Variants in GTF2IRD1 observed in about 807,000 individuals in gnomAD.
The protein encoded by GTF2IRD1 is GTF2I repeat domain containing 1.
A neutral mutation model predicts 113.2 loss-of-function variants in GTF2IRD1; 26 were observed. That is an observed-to-expected ratio of 0.23 (90% CI 0.17 to 0.32). The LOEUF is 0.32. GTF2IRD1 is among the 10% of genes least tolerant of loss of function. The pLI is 1.00. For missense variants in GTF2IRD1, 864 were observed against 1,280.8 expected (o/e 0.67, Z 4.97); for synonymous variants, 484 against 529.1 (o/e 0.91, Z 1.17).
At chr7:74,564,086 G>C (rs782465221) in intron 22 of GTF2IRD1, among the ~76,000 whole-genome samples, 3 of 150,842 alleles carry the variant, frequency 2.0e-5, no homozygotes, top group Admixed American at 6.6e-5. Context: ...GAGTGCAATG[G>C]CACAATCTTG....
chr7:74,512,592 G>C lies in GTF2IRD1; in HGVS notation c.124-238G>C, dbSNP rs1796701223. Among the ~76,000 whole-genome samples, 1 of 151,902 alleles carries C rather than the reference G, an allele frequency of 6.6e-6. No individual in the cohort carries two copies. The highest frequency in any genetic ancestry group is 1.5e-5 in the Non-Finnish European group (1 of 68,034). The stretch of plus-strand genomic sequence containing the variant: ...GCCTACCCCAAGGAGGAGGACCTTG[G>C]AGGGAGGAGCAGAGGACACTTGTCC... On this transcript the variant is annotated intron_variant, in intron 2 of 26. Transcript: ENST00000424337. The surrounding 1 kb of genome is among the most constrained non-coding windows in gnomAD (Gnocchi z 4.4).
chr7:74,534,989 G>C (rs1798208207), intron 9 of GTF2IRD1, 124 bp from the exon 10 acceptor site: 2 of 779,782 alleles, frequency 2.6e-6, no homozygotes, highest in Non-Finnish European at 4.6e-6. Flanking sequence ...CGGATGCCCA[G>C]GTCTGTAGCT....
chr7:74,490,644 G>A lies in GTF2IRD1; in HGVS notation c.-6-17431G>A, dbSNP rs557020953. Among the ~76,000 whole-genome samples, 3 of 151,990 alleles carry A rather than the reference G, an allele frequency of 2.0e-5. No homozygotes were observed. In the East Asian group the frequency reaches 5.8e-4, roughly 29 times the overall value. On this transcript the variant is annotated intron_variant, in intron 1 of 26. Coordinates refer to ENST00000424337, the MANE Select transcript of GTF2IRD1 (RefSeq NM_005685.4). ...CAAGCATATGGCAGCGGATGGTGCG[G>A]GGGCCGTGTTTGGGTGGGGTGTGTG... is the stretch of plus-strand genomic sequence containing the variant.
Position 74,544,784 on chromosome 7 carries a change from G to A in GTF2IRD1, c.1648G>A (p.Glu550Lys), listed in dbSNP as rs201240311. Reference sequence around the variant, plus strand: ...AGGTCTGAGTGAGGACGCGCGGCCCGAGGAGAGGCCCGTGGAGGGTGAGGC... The same window carrying A: ...AGGTCTGAGTGAGGACGCGCGGCCCAAGGAGAGGCCCGTGGAGGGTGAGGC... ...DKGLSEDARP[E>K]ERPVEDSHGD... Residue 550 changes from glutamate (E) to lysine (K), a missense_variant, in exon 15 of 27, where the codon GAG becomes AAG. Around this residue, in one of 7 missense-constraint regions of GTF2IRD1, gnomAD observed 218 missense variants for 352.6 expected, o/e 0.62. Transcript: ENST00000424337. 5.3e-5 allele frequency: 85 copies of A among 1,613,814 alleles called. No homozygotes were observed. Among genetic ancestry groups the A allele is most frequent in the Middle Eastern group, 1.7e-4 (1 of 6,054 alleles).
chr7:74,600,638 A>G (rs1802701555), intron 25 of GTF2IRD1, among the ~76,000 whole-genome samples: 1 of 152,062 alleles, frequency 6.6e-6, no homozygotes, highest in African/African-American at 2.4e-5. Context: ...TTGAACCCAG[A>G]AGGCAAAGGT....
Position 74,536,184 on chromosome 7 carries a change from G to A in GTF2IRD1, c.1318G>A (p.Asp440Asn). Residue 440 changes from aspartate to asparagine, a missense_variant, in exon 11 of 27, where the codon GAC becomes AAC. By Grantham distance (23) the Asp-to-Asn change is conservative (BLOSUM62 1). This residue lies in a region of GTF2IRD1 where 218 missense variants were observed against 352.6 expected (regional missense o/e 0.62). Coordinates refer to ENST00000424337, the MANE Select transcript of GTF2IRD1 (RefSeq NM_005685.4). ...CCCCACAGGGAACAAGTTTACCAAA[G>A]ACACCACGAAGCTGGAGCCAGCCAG... is the stretch of plus-strand genomic sequence containing the variant. ...RIFTGNKFTK[D>N]TTKLEPASPP... 6.2e-7 allele frequency: 1 copy of A among 1,613,236 alleles called. No homozygotes were observed. The highest frequency in any genetic ancestry group is 8.5e-7 in the Non-Finnish European group (1 of 1,179,250).
chr7:74,492,871 A>G (rs1192983592), intron 1 of GTF2IRD1, among the ~76,000 whole-genome samples: 3 of 151,308 alleles, frequency 2.0e-5, no homozygotes, highest in Non-Finnish European at 4.4e-5. Flanking sequence ...GCATCTTCCA[A>G]TCTCTCTCTA....
rs145738911 is a variant in GTF2IRD1, at chr7:74,532,113, G to A, written c.1274+2196G>A. ...GCCTATCATGTGGGCCTTCCAGTCC[G>A]GGCAGCCCGTGAGGGCATCTGACCG... On this transcript the variant is annotated intron_variant, in intron 9 of 26. Coordinates refer to ENST00000424337, the MANE Select transcript of GTF2IRD1 (RefSeq NM_005685.4). Among the ~76,000 whole-genome samples the A allele has an allele frequency of 5.4e-3, 816 of 152,266 alleles. 25 individuals carry two copies. Among genetic ancestry groups the A allele is most frequent in the Admixed American group, 0.043 (653 of 15,290 alleles).
chr7:74,592,193 A>G (rs1802099267), intron 24 of GTF2IRD1, among the ~76,000 whole-genome samples: 1 of 152,030 alleles, frequency 6.6e-6, no homozygotes, highest in Non-Finnish European at 1.5e-5. Flanking sequence ...TCCACCGCCC[A>G]GGTTCAAGCA....
At chr7:74,581,641 C>T (rs1470625157) in intron 22 of GTF2IRD1, among the ~76,000 whole-genome samples, 1 of 152,206 alleles carries the variant, frequency 6.6e-6, no homozygotes. Context: ...TCCCTGGTGG[C>T]GACCTGGTGG....
chr7:74,576,335 C>T (rs1249012055), intron 22 of GTF2IRD1, among the ~76,000 whole-genome samples: 1 of 150,510 alleles, frequency 6.6e-6, no homozygotes, highest in Non-Finnish European at 1.5e-5. Flanking sequence ...CTGAGGCGGG[C>T]GAATCACTTG....
chr7:74,509,829 C>T (rs143922754), intron 2 of GTF2IRD1, among the ~76,000 whole-genome samples: 1 of 151,992 alleles, frequency 6.6e-6, no homozygotes, highest in Non-Finnish European at 1.5e-5. Context: ...CCCACCACCA[C>T]ACGTGGCCAG....
intron 1 of GTF2IRD1, among the ~76,000 whole-genome samples, chr7:74,466,347 G>A (rs1554330803): frequency 1.3e-5 from 2 of 152,156 alleles, no homozygotes; most frequent in Non-Finnish European, 1.5e-5. Flanking sequence ...GCCAGAGACA[G>A]GACGTGACGG....
At chr7:74,485,400 G>A (rs1218003222) in intron 1 of GTF2IRD1, among the ~76,000 whole-genome samples, 1 of 150,426 alleles carries the variant, frequency 6.6e-6, no homozygotes, top group Admixed American at 6.6e-5. Context: ...GGCGGATCAC[G>A]AGGTCAGGAG....
At chr7:74,574,847 G>A (rs113833856) in intron 22 of GTF2IRD1, among the ~76,000 whole-genome samples, 4,087 of 151,750 alleles carry the variant, frequency 0.027, 95 homozygotes, top group Middle Eastern at 0.062. Flanking sequence ...CCAGCACTTC[G>A]GGAGGCTGAG....
chr7:74,540,048 C>A (rs1201987545), intron 14 of GTF2IRD1, 80 bp downstream of exon 14: 2 of 992,656 alleles, frequency 2.0e-6, no homozygotes. Context: ...CCAGGCCGTC[C>A]CCAGGTGTTT....
chr7:74,536,862 G>C (rs1798327113), intron 11 of GTF2IRD1, among the ~76,000 whole-genome samples: 1 of 152,128 alleles, frequency 6.6e-6, no homozygotes, highest in Non-Finnish European at 1.5e-5. Flanking sequence ...TGTAATCCCA[G>C]CGCTTTGGGA....
intron 1 of GTF2IRD1, among the ~76,000 whole-genome samples, chr7:74,486,840 G>A (rs186348970): frequency 1.4e-4 from 21 of 152,062 alleles, no homozygotes; most frequent in African/African-American, 4.1e-4. Context: ...ATAGCCAAGC[G>A]TGGTTGTGTG....
intron 1 of GTF2IRD1, among the ~76,000 whole-genome samples, chr7:74,502,554 T>TAGAA (rs758880921): frequency 6.6e-6 from 1 of 152,188 alleles, no homozygotes; most frequent in Non-Finnish European, 1.5e-5. Context: ...CAGGGCTGGC[T>TAGAA]AGAAAGTGGG....
Sources: allele counts gnomAD v4.1 joint callset (sites outside exome capture counted in the v4.1 genomes callset), GRCh38; gene constraint gnomAD v4.1.1; regional missense constraint gnomAD v4.1.1; non-coding constraint Gnocchi (gnomAD v3.1); transcripts MANE v1.5; gene names NCBI Gene and HGNC (gene_info 2026-07-23, HGNC 2026-07-21).